Variants in CNTN5 observed in about 807,000 individuals in gnomAD.
CNTN5 encodes the protein contactin 5.
CNTN5 carries 77 observed loss-of-function variants against 129.1 expected under a neutral mutation model. The ratio of observed to expected loss-of-function variants is 0.60; its 90% confidence interval spans 0.50 to 0.72. The LOEUF (loss-of-function observed/expected upper bound fraction) is 0.72. CNTN5 is among the 30% of genes least tolerant of loss of function. CNTN5 has a pLI of 0.00. For missense variants in CNTN5, 1,478 were observed against 1,328.8 expected, an observed-to-expected ratio of 1.11 and a Z score of -1.75; for synonymous variants, 509 against 465.6, an observed-to-expected ratio of 1.09 and a Z score of -1.20.
intron 9 of CNTN5, among the ~76,000 whole-genome samples, chr11:100,007,528 A>G (rs1565782754): frequency 6.6e-6 from 1 of 152,126 alleles, no homozygotes; most frequent in Non-Finnish European, 1.5e-5. Flanking sequence ...TTATAAAGAT[A>G]GCTTCTTTCC....
Position 99,443,018 on chromosome 11 carries a change from TTTAG to T in CNTN5, c.-70-113125_-70-113122del, listed in dbSNP as rs1259749514. Among the ~76,000 whole-genome samples the T allele has an allele frequency of 1.3e-3, 195 of 152,354 alleles. 1 individual carries two copies. The highest frequency in any genetic ancestry group is 4.4e-3 in the African/African-American group (181 of 41,584). Reference sequence around the variant, plus strand: ...ATGATGTCTAGCACTGTGTTATTTATTTAGTAAGTATTCAAAAATAGTTGAATAA... The same window carrying T: ...ATGATGTCTAGCACTGTGTTATTTATTAAGTATTCAAAAATAGTTGAATAA... On this transcript the variant is annotated intron_variant, in intron 2 of 24. Transcript: ENST00000524871.
intron 24 of CNTN5, among the ~76,000 whole-genome samples, chr11:100,352,647 T>G (rs499873): frequency 0.17 from 26,199 of 151,700 alleles, 2,728 homozygotes; most frequent in East Asian, 0.35. Flanking sequence ...AAATCTGACT[T>G]TTTCAGAAAT....
At chr11:99,593,148 G>T (rs140171437) in intron 3 of CNTN5, among the ~76,000 whole-genome samples, 13 of 152,230 alleles carry the variant, frequency 8.5e-5, no homozygotes, top group African/African-American at 2.6e-4. Flanking sequence ...TCCCTATTCT[G>T]ATGGAGAGTG....
intron 3 of CNTN5, among the ~76,000 whole-genome samples, chr11:99,790,195 T>G (rs1945689748): frequency 6.6e-6 from 1 of 152,062 alleles, no homozygotes; most frequent in South Asian, 2.1e-4. Flanking sequence ...AATTTTTATT[T>G]TAGGTTCAGG....
intron 3 of CNTN5, among the ~76,000 whole-genome samples, chr11:99,639,504 A>G (rs968852907): frequency 6.8e-6 from 1 of 147,718 alleles, no homozygotes. Context: ...CCAAACTTGT[A>G]TGCTCTGCTT....
chr11:99,991,335 T>G (rs1939082308), intron 8 of CNTN5, among the ~76,000 whole-genome samples: 1 of 127,346 alleles, frequency 7.9e-6, no homozygotes, highest in Admixed American at 7.3e-5. Flanking sequence ...GGCGTGGTGG[T>G]GGGTCCCTGT....
chr11:99,284,580 T>G (rs1018156932), intron 1 of CNTN5, among the ~76,000 whole-genome samples: 1 of 150,664 alleles, frequency 6.6e-6, no homozygotes, highest in African/African-American at 2.4e-5. Flanking sequence ...TTGGAAGAAC[T>G]GTTTACCCCA....
chr11:99,699,378 A>G (rs1954417748), intron 3 of CNTN5, among the ~76,000 whole-genome samples: 1 of 151,424 alleles, frequency 6.6e-6, no homozygotes, highest in African/African-American at 2.4e-5. Context: ...AGTTTTTATC[A>G]CTCTTTAATA....
At chr11:99,714,911 G>A (rs762779308) in intron 3 of CNTN5, among the ~76,000 whole-genome samples, 11 of 150,298 alleles carry the variant, frequency 7.3e-5, no homozygotes, top group Non-Finnish European at 1.2e-4. Context: ...GTAATGTAAA[G>A]CACTATTGAG....
intron 1 of CNTN5, among the ~76,000 whole-genome samples, chr11:99,263,468 T>A (rs1400048958): frequency 6.6e-6 from 1 of 152,102 alleles, no homozygotes; most frequent in Non-Finnish European, 1.5e-5. Flanking sequence ...TATGAAAAAT[T>A]GGTTTTATTT....
At chr11:99,905,934 C>A (rs1359119533) in intron 6 of CNTN5, among the ~76,000 whole-genome samples, 3 of 152,042 alleles carry the variant, frequency 2.0e-5, no homozygotes, top group African/African-American at 7.2e-5. Flanking sequence ...TCATTTGGCT[C>A]TCTGTTTGTC....
rs79045814 is a variant in CNTN5, at chr11:99,491,934, T to C, written c.-70-64211T>C. Reference sequence around the variant, plus strand: ...TCATTATCCTGAAGAGGTTTTAAGCTGTTAAAGAGCTGTCCCAACCTGGGT... The same window carrying C: ...TCATTATCCTGAAGAGGTTTTAAGCCGTTAAAGAGCTGTCCCAACCTGGGT... On this transcript the variant is annotated intron_variant, in intron 2 of 24. Transcript: ENST00000524871. Among the ~76,000 whole-genome samples, 345 of 152,324 alleles carry C rather than the reference T, an allele frequency of 2.3e-3. 3 individuals are homozygous for C. The highest frequency in any genetic ancestry group is 7.7e-3 in the African/African-American group (319 of 41,578).
intron 1 of CNTN5, among the ~76,000 whole-genome samples, chr11:99,150,538 A>T (rs770705132): frequency 9.9e-5 from 15 of 152,008 alleles, no homozygotes; most frequent in Non-Finnish European, 1.9e-4. Flanking sequence ...TAAAATTGTG[A>T]TTGAAGAAAA....
At chr11:100,154,209 T>C (rs541099991) in intron 13 of CNTN5, among the ~76,000 whole-genome samples, 2 of 152,264 alleles carry the variant, frequency 1.3e-5, no homozygotes, top group Non-Finnish European at 2.9e-5. Context: ...TGTTTGGCTT[T>C]CTGTTCTTGT....
intron 13 of CNTN5, among the ~76,000 whole-genome samples, chr11:100,172,746 G>A (rs1387361864): frequency 6.6e-6 from 1 of 152,080 alleles, no homozygotes; most frequent in Non-Finnish European, 1.5e-5. Context: ...GATGGATATA[G>A]ATGTAAAAAA....
At chr11:100,024,103 T>G (rs1941293579) in intron 9 of CNTN5, among the ~76,000 whole-genome samples, 1 of 152,158 alleles carries the variant, frequency 6.6e-6, no homozygotes, top group South Asian at 2.1e-4. Context: ...TCCTATAAAC[T>G]CCACATGTCA....
intron 21 of CNTN5, among the ~76,000 whole-genome samples, chr11:100,332,430 T>A (rs562404229): frequency 6.6e-6 from 1 of 152,310 alleles, no homozygotes; most frequent in Non-Finnish European, 1.5e-5. Context: ...GTACCAATTC[T>A]ACTGACACTA....
intron 2 of CNTN5, among the ~76,000 whole-genome samples, chr11:99,546,683 T>C (rs1411339496): frequency 6.6e-6 from 1 of 152,154 alleles, no homozygotes; most frequent in Admixed American, 6.5e-5. Flanking sequence ...TTTATGATGG[T>C]GTTTTTAATA....
At chr11:99,731,422 G>A (rs1272842091) in intron 3 of CNTN5, among the ~76,000 whole-genome samples, 2 of 152,046 alleles carry the variant, frequency 1.3e-5, no homozygotes, top group Non-Finnish European at 2.9e-5. Context: ...AACTCTCTTT[G>A]TCATGGAGTT....
Sources: allele counts gnomAD v4.1 joint callset (sites outside exome capture counted in the v4.1 genomes callset), GRCh38; gene constraint gnomAD v4.1.1; transcripts MANE v1.5; gene names NCBI Gene and HGNC (gene_info 2026-07-23, HGNC 2026-07-21).